The following SEC14L1 variants were observed in gnomAD, a reference collection of about 807,000 sequenced individuals.
SEC14L1 encodes SEC14 like lipid binding 1.
A neutral mutation model predicts 85.3 loss-of-function variants in SEC14L1; 48 were observed. The ratio of observed to expected loss-of-function variants is 0.56; its 90% CI spans 0.45 to 0.72. The LOEUF is 0.72. Among genes scored for constraint, SEC14L1 ranks in the 30% least tolerant of loss-of-function variants. The pLI is 0.00. For synonymous variants in SEC14L1, 391 were observed against 355.5 expected (o/e 1.10, Z -1.12); for missense variants, 682 against 921.4 (o/e 0.74, Z 3.36).
In SEC14L1 at chr17:77,206,094, A is replaced by G. The variant is rs573257170; in HGVS notation, c.1170-135A>G. On this transcript the variant is annotated intron_variant, in intron 11 of 16. Coordinates refer to ENST00000436233, the MANE Select transcript of SEC14L1 (RefSeq NM_001143998.2). This position sits in a 1 kb window ranked among gnomAD's most constrained non-coding sequence, Gnocchi z 4.3. The stretch of plus-strand genomic sequence containing the variant: ...ATAAACAGGGTTCATAGCACTATAC[A>G]TAGCACTATAATTTAAAAAAATTGA... 8.6e-6 allele frequency: 7 copies of G among 814,218 alleles called. No individual in the cohort carries two copies. The highest frequency in any genetic ancestry group is 1.7e-5 in the African/African-American group (1 of 57,996). The allele number at this position is 814,218 out of a possible 1,614,324, so 50.4% of individuals were successfully genotyped here. A position where few individuals can be genotyped will look rare whatever the true frequency, so the allele number is the denominator to read the frequency against.
rs578113347 is a variant in SEC14L1, at chr17:77,206,925, G to A, written c.1476+63G>A. 53 of 1,406,894 alleles carry A rather than the reference G, an allele frequency of 3.8e-5. No individual in the cohort carries two copies. The South Asian group carries it at 8.0e-4, about 21-fold the overall frequency. The allele number at this position is 1,406,894 out of a possible 1,614,324, so 87.2% of individuals were successfully genotyped here. A position where few individuals can be genotyped will look rare whatever the true frequency, so the allele number is the denominator to read the frequency against. On this transcript the variant is annotated intron_variant, in intron 13 of 16. Coordinates refer to ENST00000436233, the MANE Select transcript of SEC14L1 (RefSeq NM_001143998.2). The surrounding 1 kb of genome is among the most constrained non-coding windows in gnomAD (Gnocchi z 4.3). The stretch of plus-strand genomic sequence containing the variant: ...TATGCAGGTGGGAGAGGTCGGTGTC[G>A]ATTTGCACAAATGATTTTCAGAACT...
intron 13 of SEC14L1, among the ~76,000 whole-genome samples, chr17:77,209,015 C>T (rs1976605673): frequency 6.6e-6 from 1 of 152,150 alleles, no homozygotes; most frequent in African/African-American, 2.4e-5. Context: ...AATACTTTTC[C>T]TTTACAGGGC....
At chr17:77,188,834 T>G (rs1975391068) in intron 3 of SEC14L1, among the ~76,000 whole-genome samples, 1 of 152,358 alleles carries the variant, frequency 6.6e-6, no homozygotes, top group Middle Eastern at 3.4e-3. Flanking sequence ...AGTTGTATAG[T>G]GATACTCCTT....
chr17:77,169,354 G>A (rs1974430820), intron 3 of SEC14L1, among the ~76,000 whole-genome samples: 1 of 152,160 alleles, frequency 6.6e-6, no homozygotes, highest in Admixed American at 6.5e-5. Flanking sequence ...TTAACTTGGG[G>A]GAATAGCAAT....
chr17:77,175,456 A>G (rs1189710761), intron 3 of SEC14L1, among the ~76,000 whole-genome samples: 1 of 152,246 alleles, frequency 6.6e-6, no homozygotes, highest in Non-Finnish European at 1.5e-5. Flanking sequence ...TTACAGGTTC[A>G]TAACTCAGGA....
At chr17:77,122,727 C>T (rs1255081606) in intron 3 of SEC14L1, among the ~76,000 whole-genome samples, 2 of 152,252 alleles carry the variant, frequency 1.3e-5, no homozygotes, top group Non-Finnish European at 2.9e-5. Context: ...CATGAGGACA[C>T]TGATAAGAAC....
At chr17:77,098,355 C>T (rs909231979) in intron 3 of SEC14L1, among the ~76,000 whole-genome samples, 3 of 152,006 alleles carry the variant, frequency 2.0e-5, no homozygotes, top group Non-Finnish European at 2.9e-5. Flanking sequence ...AAAAATTAGT[C>T]AGGCGTGGTG....
Position 77,215,951 on chromosome 17 carries a change from AGGGTT to A in SEC14L1, c.*1929_*1933del, listed in dbSNP as rs1386749208. The A allele has an allele frequency of 5.2e-6, 5 of 953,652 alleles. No homozygotes were observed. The Admixed American group carries it at 4.0e-4, about 76-fold the overall frequency. The allele number at this position is 953,652 out of a possible 1,614,324, so 59.1% of individuals were successfully genotyped here. ...GGGTTCGTAGGTAGGGTTCGTAGGT[AGGGTT>A]AGGTAGGGTTCGTAGGTAGGGTTAG... On this transcript the variant is annotated 3_prime_UTR_variant, in exon 17 of 17. Coordinates refer to ENST00000436233, the MANE Select transcript of SEC14L1 (RefSeq NM_001143998.2).
At chr17:77,142,963 G>C (rs1030908568) in intron 2 of SEC14L1, among the ~76,000 whole-genome samples, 1 of 152,248 alleles carries the variant, frequency 6.6e-6, no homozygotes, top group Non-Finnish European at 1.5e-5. Flanking sequence ...AGTGGAGCCT[G>C]TTTAGCCAGA....
At chr17:77,150,322 A>G (rs1472438540) in intron 3 of SEC14L1, among the ~76,000 whole-genome samples, 5 of 152,154 alleles carry the variant, frequency 3.3e-5, no homozygotes, top group African/African-American at 1.2e-4. Flanking sequence ...GAGGTGCTGG[A>G]GTGAAACAGA....
rs1295587764 is a variant in SEC14L1 at position 77,191,269 on chromosome 17, C to T, written c.302C>T (p.Thr101Met). ...TTGCACATTGAGGCTTATAATGAAA[C>T]GTTTTCCAATCGGGTCATCATTAAT... ...RTLHIEAYNE[T>M]FSNRVIINEH... The change falls in exon 5 of 17, where the codon ACG (threonine) becomes ATG (methionine). Residue 101 changes from threonine (T) to methionine (M), a missense_variant. Physicochemically the swap from Thr to Met is moderately conservative, Grantham distance 81. Coordinates refer to ENST00000436233, the MANE Select transcript of SEC14L1 (RefSeq NM_001143998.2). 4 of 1,613,928 alleles carry T rather than the reference C, an allele frequency of 2.5e-6. No individual in the cohort carries two copies. The highest frequency in any genetic ancestry group is 3.4e-6 in the Non-Finnish European group (4 of 1,179,928).
Position 77,196,199 on chromosome 17 carries a change from C to T in SEC14L1, c.710-3C>T. Reference sequence around the variant, plus strand: ...TTGTAAATAAATGTCACTTACATTCCAGACAAACTAGATGCCGACTACATC... The same window carrying T: ...TTGTAAATAAATGTCACTTACATTCTAGACAAACTAGATGCCGACTACATC... On this transcript the variant is annotated splice_polypyrimidine_tract_variant and splice_region_variant and intron_variant, in intron 7 of 16. Transcript: ENST00000436233. 6.2e-7 allele frequency: 1 copy of T among 1,609,822 alleles called. No individual in the cohort carries two copies. The highest frequency in any genetic ancestry group is 8.5e-7 in the Non-Finnish European group (1 of 1,176,230).
chr17:77,170,187 G>T (rs1358853956), intron 3 of SEC14L1, among the ~76,000 whole-genome samples: 2 of 152,200 alleles, frequency 1.3e-5, no homozygotes, highest in Admixed American at 1.3e-4. Context: ...ATGTGTGGTA[G>T]CTGGGGAAAG....
intron 9 of SEC14L1, among the ~76,000 whole-genome samples, chr17:77,201,068 G>A (rs974700534): frequency 4.6e-5 from 7 of 152,214 alleles, no homozygotes; most frequent in African/African-American, 1.4e-4. Context: ...AGCTTAAAAC[G>A]GTTCAGCCCG....
Position 77,194,588 on chromosome 17 carries a change from G to A in SEC14L1, c.475-89G>A, listed in dbSNP as rs571165891. On this transcript the variant is annotated intron_variant, in intron 6 of 16. Transcript: ENST00000436233. ...AAGATTGTGAGGCTCACCATCTTCC[G>A]TTGGCTAGAAAAAAAGAAAAATCTT... is the stretch of plus-strand genomic sequence containing the variant. The A allele has an allele frequency of 2.1e-4, 204 of 954,034 alleles. No homozygotes were observed. In the African/African-American group the frequency reaches 2.4e-3, roughly 11 times the overall value. The allele number at this position is 954,034 out of a possible 1,614,324, so 59.1% of individuals were successfully genotyped here.
chr17:77,139,036 C>T (rs1274748787), upstream of SEC14L1, among the ~76,000 whole-genome samples: 1 of 152,048 alleles, frequency 6.6e-6, no homozygotes, highest in Non-Finnish European at 1.5e-5. Flanking sequence ...ATATATTTGT[C>T]TTGTACCGTT....
chr17:77,211,803 G>A (rs915388060), intron 14 of SEC14L1, 147 bp from the exon 15 acceptor site: 4 of 996,478 alleles, frequency 4.0e-6, no homozygotes, highest in African/African-American at 3.2e-5. Flanking sequence ...TGTGACTCTG[G>A]GGAAAGAGAT....
intron 3 of SEC14L1, among the ~76,000 whole-genome samples, chr17:77,174,849 G>GCAAGAGCA (rs1321925958): frequency 6.6e-6 from 1 of 152,232 alleles, no homozygotes; most frequent in Non-Finnish European, 1.5e-5. Flanking sequence ...TGTTACGACT[G>GCAAGAGCA]CAAGAGCACA....
intron 3 of SEC14L1, among the ~76,000 whole-genome samples, chr17:77,165,520 C>CT (rs1213878507): frequency 6.6e-6 from 1 of 152,040 alleles, no homozygotes; most frequent in Admixed American, 6.6e-5. Context: ...AGAGGGGTGA[C>CT]TTTGAGTGGA....
Sources: gnomAD v4.1 joint callset for allele counts (sites outside exome capture counted in the v4.1 genomes callset) on GRCh38, gnomAD v4.1.1 for gene constraint, Gnocchi (gnomAD v3.1) non-coding constraint, MANE v1.5 for transcripts, NCBI Gene and HGNC (gene_info 2026-07-23, HGNC 2026-07-21) for gene names.